LATS1: variants seen among roughly 807,000 people sequenced by gnomAD.
LATS1 encodes the protein serine/threonine-protein kinase LATS1.
Under a neutral mutation model 106.6 loss-of-function variants are expected in LATS1, and 25 were observed. The ratio of observed to expected loss-of-function variants is 0.23; its 90% CI spans 0.17 to 0.33. The LOEUF (loss-of-function observed/expected upper bound fraction) is 0.33, where lower values mean the gene tolerates loss of function less well. Ranked by LOEUF, LATS1 falls within the 10% of genes least tolerant of loss-of-function variation. The pLI, the probability that LATS1 is intolerant of heterozygous loss-of-function variation, is 1.00. For missense variants in LATS1, 1,040 were observed against 1,382.6 expected, an observed-to-expected ratio of 0.75 and a Z score of 3.93; for synonymous variants, 465 against 455.6, an observed-to-expected ratio of 1.02 and a Z score of -0.26.
In LATS1 at chr6:149,717,985, G is replaced by C; in HGVS notation, c.-277C>G. The C allele has an allele frequency of 8.2e-6, 3 of 365,744 alleles. No individual in the cohort carries two copies. Among genetic ancestry groups the C allele is most frequent in the Non-Finnish European group, 1.6e-5 (3 of 190,246 alleles). 22.7% of individuals were successfully genotyped at this position (365,744 alleles called of 1,614,324 possible). On this transcript the variant is annotated 5_prime_UTR_variant, in exon 1 of 8. Coordinates refer to ENST00000543571, the MANE Select transcript of LATS1 (RefSeq NM_004690.4). ...GAGACGAACGGGGGGGCTGCCGCGGGCCAGCGCGGCCCGTCCCAGGGGTCG... is the reference window on the plus strand; with the variant it reads ...GAGACGAACGGGGGGGCTGCCGCGGCCCAGCGCGGCCCGTCCCAGGGGTCG...
intron 1 of LATS1, among the ~76,000 whole-genome samples, chr6:149,707,011 C>CTTTTTT (rs745424840): frequency 1.8e-5 from 2 of 110,442 alleles, no homozygotes; most frequent in Non-Finnish European, 3.5e-5. Flanking sequence ...CTGGACATCT[C>CTTTTTT]TTTTTTTTTT....
Position 149,715,125 on chromosome 6 carries a change from G to A in LATS1, c.-141+2724C>T, listed in dbSNP as rs374105157. On this transcript the variant is annotated intron_variant, in intron 1 of 7. Transcript: ENST00000543571. ...TCTCACTGTCGCAGGCTGGAGTGCC[G>A]TGGTGCCATCTCAGCTCACTGCAAC... Among the ~76,000 whole-genome samples the A allele has an allele frequency of 5.9e-5, 9 of 151,872 alleles. No individual in the cohort carries two copies. The East Asian group carries it at 1.4e-3, about 23-fold the overall frequency.
At chr6:149,704,134 G>A (rs1783617865) in intron 1 of LATS1, among the ~76,000 whole-genome samples, 1 of 152,146 alleles carries the variant, frequency 6.6e-6, no homozygotes, top group African/African-American at 2.4e-5. Flanking sequence ...CTCCCGAATA[G>A]CTGGGATTAC....
Position 149,662,048 on chromosome 6 carries a change from G to A in LATS1, c.3074C>T (p.Ser1025Leu), listed in dbSNP as rs1216250814. The stretch of plus-strand genomic sequence containing the variant: ...TGGGTGTGTGATTTTAGGAATGTAT[G>A]AAGCAGACTGCTGTCTCAGGTCACT... ...FSSDLRQQSA[S>L]YIPKITHPTD... is the part of the protein sequence containing the mutation. Residue 1025 changes from serine to leucine, a missense_variant, in exon 8 of 8, where the codon TCA becomes TTA. Ser to Leu is a moderately radical substitution (Grantham distance 145). This residue lies in a region of LATS1 where 113 missense variants were observed against 146.3 expected (regional missense o/e 0.77). Transcript: ENST00000543571. 1.9e-6 allele frequency: 3 copies of A among 1,614,004 alleles called. No individual in the cohort carries two copies. In the African/African-American group the frequency reaches 4.0e-5, roughly 22 times the overall value.
Position 149,708,414 on chromosome 6 carries a change from C to CA in LATS1, c.-140-6149dup, listed in dbSNP as rs58138010. On this transcript the variant is annotated intron_variant, in intron 1 of 7. Coordinates refer to ENST00000543571, the MANE Select transcript of LATS1 (RefSeq NM_004690.4). ...TGGGCGACAGAGCGAGACTGGATCT[C>CA]AAAAAAAAAAAAAAAAAAAATTTCA... Among the ~76,000 whole-genome samples, 874 of 104,068 alleles carry CA rather than the reference C, an allele frequency of 8.4e-3. 6 individuals are homozygous for CA. The highest frequency in any genetic ancestry group is 9.5e-3 in the Non-Finnish European group (449 of 47,420). The allele number at this position is 104,068 out of a possible 152,430, so 68.3% of individuals were successfully genotyped here. A position where few individuals can be genotyped will look rare whatever the true frequency, so the allele number is the denominator to read the frequency against.
At chr6:149,711,912 C>A (rs1202340800) in intron 1 of LATS1, among the ~76,000 whole-genome samples, 1 of 151,960 alleles carries the variant, frequency 6.6e-6, no homozygotes. Flanking sequence ...TTGTGTACTG[C>A]GGTGAGTGAG....
In LATS1 at chr6:149,684,345, TGGA is replaced by T. The variant is rs772945076; in HGVS notation, c.741_743del (p.Pro251del). 15 of 1,613,914 alleles carry T rather than the reference TGGA, an allele frequency of 9.3e-6. No homozygotes were observed. The South Asian group carries it at 1.1e-4, about 12-fold the overall frequency. ...GGGGAGTCTGGCCTCTTGGAGGTGG[TGGA>T]GGAGTAACACTCCTTACTTGAGGTG... On this transcript the variant is annotated inframe_deletion, in exon 4 of 8. Coordinates refer to ENST00000543571, the MANE Select transcript of LATS1 (RefSeq NM_004690.4).
rs189683582 is a variant in LATS1 at position 149,659,191 on chromosome 6, G to A, written c.*2538C>T. The A allele has an allele frequency of 1.8e-4, 32 of 176,940 alleles. 1 individual carries two copies. The East Asian group carries it at 3.1e-3, about 17-fold the overall frequency. The allele number at this position is 176,940 out of a possible 1,614,324, so 11.0% of individuals were successfully genotyped here. On this transcript the variant is annotated 3_prime_UTR_variant, in exon 8 of 8. Transcript: ENST00000543571. ...TTTAAAAGAATACATATTTGCGCCAGGCGCGGTGGGTCACGTCTGTAATCC... is the reference window on the plus strand; with the variant it reads ...TTTAAAAGAATACATATTTGCGCCAAGCGCGGTGGGTCACGTCTGTAATCC...
At position 149,684,066 on chromosome 6, in the gene LATS1, T is replaced by G; in HGVS notation, c.1023A>C (p.Pro341=). ...IMQSSSKFNF[P]SGRPGMQNGT... ...CATTCTGCATTCCAGGTCTCCCTGA[T>G]GGAAAGTTAAATTTGCTAGAACTCT... Residue 341 remains proline (P), a synonymous_variant, in exon 4 of 8, where the codon CCA becomes CCC. Coordinates refer to ENST00000543571, the MANE Select transcript of LATS1 (RefSeq NM_004690.4). The G allele has an allele frequency of 1.2e-6, 2 of 1,614,148 alleles. No homozygotes were observed. The highest frequency in any genetic ancestry group is 2.2e-5 in the South Asian group (2 of 91,078).
At position 149,680,089 on chromosome 6, in the gene LATS1, T is replaced by A. The variant is rs566651681; in HGVS notation, c.2379A>T (p.Leu793=). 6.2e-7 allele frequency: 1 copy of A among 1,613,746 alleles called. No individual in the cohort carries two copies. Residue 793 remains leucine, a synonymous_variant, in exon 5 of 8, where the codon CTA becomes CTT. Coordinates refer to ENST00000543571, the MANE Select transcript of LATS1 (RefSeq NM_004690.4). ...DYIPGGDMMS[L]LIRMGIFPES... is the part of the protein sequence containing the mutation. ...CTGGAAAGATGCCCATTCTAATTAATAGGCTCATCATATCACCCCCAGGAA... is the reference window on the plus strand; with the variant it reads ...CTGGAAAGATGCCCATTCTAATTAAAAGGCTCATCATATCACCCCCAGGAA...
intron 2 of LATS1, chr6:149,697,216 GACCA>G: frequency 5.8e-6 from 6 of 1,042,710 alleles, no homozygotes; most frequent in Non-Finnish European, 8.1e-6. Flanking sequence ...AAGAATGTGA[GACCA>G]ACCAAAGAAA....
chr6:149,662,434 A>C (rs1780925077), intron 7 of LATS1, among the ~76,000 whole-genome samples, 196 bp from the exon 8 acceptor site: 1 of 152,168 alleles, frequency 6.6e-6, no homozygotes, highest in South Asian at 2.1e-4. Context: ...ACTCACTGTC[A>C]GTTTTAATCT....
chr6:149,683,351 TA>T lies in LATS1; in HGVS notation c.1737del (p.Ser580AlafsTer68). On this transcript the variant is annotated frameshift_variant, in exon 4 of 8. Coordinates refer to ENST00000543571, the MANE Select transcript of LATS1 (RefSeq NM_004690.4). LOFTEE classifies it high-confidence loss of function. Reference protein sequence around the residue: ...SVPPYESISKPSKEDQPSLPK... With the variant: ...SVPPYESISKXSKEDQPSLPK... ...GGCAAGCTTGGCTGATCCTCTTTGCTAGGCTTACTGATTGACTCGTATGGAG... is the reference window on the plus strand; with the variant it reads ...GGCAAGCTTGGCTGATCCTCTTTGCTGGCTTACTGATTGACTCGTATGGAG... 6.2e-7 allele frequency: 1 copy of T among 1,614,214 alleles called. No homozygotes were observed. Among genetic ancestry groups the T allele is most frequent in the Non-Finnish European group, 8.5e-7 (1 of 1,180,034 alleles).
chr6:149,717,012 T>G (rs1784433246), intron 1 of LATS1, among the ~76,000 whole-genome samples: 1 of 152,196 alleles, frequency 6.6e-6, no homozygotes, highest in South Asian at 2.1e-4. Context: ...TCAAACAAGT[T>G]TCATGATCGC....
In LATS1 at chr6:149,661,492, A is replaced by T; in HGVS notation, c.*237T>A. The stretch of plus-strand genomic sequence containing the variant: ...ACTTTAAGTACCAAGAACTGACTAT[A>T]ATATTCAGTTCATAATTTACTTTCC... On this transcript the variant is annotated 3_prime_UTR_variant, in exon 8 of 8. Transcript: ENST00000543571. 1 of 400,088 alleles carries T rather than the reference A, an allele frequency of 2.5e-6. No individual in the cohort carries two copies. The highest frequency in any genetic ancestry group is 4.4e-6 in the Non-Finnish European group (1 of 226,336). The allele number at this position is 400,088 out of a possible 1,614,324, so 24.8% of individuals were successfully genotyped here.
intron 1 of LATS1, among the ~76,000 whole-genome samples, chr6:149,702,930 C>T (rs1173598605): frequency 6.6e-6 from 1 of 151,890 alleles, no homozygotes; most frequent in Non-Finnish European, 1.5e-5. Context: ...ACCTCAGCCT[C>T]CCAAAGTGCT....
intron 7 of LATS1, among the ~76,000 whole-genome samples, chr6:149,672,259 GA>G (rs1195995790): frequency 6.6e-6 from 1 of 151,140 alleles, no homozygotes; most frequent in African/African-American, 2.4e-5. Context: ...ACCCAGGCTG[GA>G]GTGCAGTGGC....
At chr6:149,679,121 G>A (rs916328976) in intron 5 of LATS1, among the ~76,000 whole-genome samples, 4 of 152,034 alleles carry the variant, frequency 2.6e-5, no homozygotes, top group South Asian at 2.1e-4. Context: ...GTAAAGAACC[G>A]ATTATAAAGT....
chr6:149,704,493 GT>G (rs11408785), intron 1 of LATS1, among the ~76,000 whole-genome samples: 8 of 139,936 alleles, frequency 5.7e-5, no homozygotes, highest in African/African-American at 7.8e-5. Context: ...TTTTTTTTTT[GT>G]TTTTTTTTTT....
Sources: allele counts gnomAD v4.1 joint callset (sites outside exome capture counted in the v4.1 genomes callset), GRCh38; gene constraint gnomAD v4.1.1; regional missense constraint gnomAD v4.1.1; transcripts MANE v1.5; gene names NCBI Gene and HGNC (gene_info 2026-07-23, HGNC 2026-07-21).